The following STX8 variants were observed in gnomAD, a reference collection of about 807,000 sequenced individuals.
STX8 encodes syntaxin-8.
In STX8, 23 loss-of-function variants were observed where a neutral mutation model predicts 37.5. That is an observed-to-expected ratio of 0.61 (90% CI 0.44 to 0.87). The LOEUF is 0.87. Ranked by LOEUF, STX8 falls within the 40% of genes least tolerant of loss-of-function variation. The pLI, the probability that STX8 is intolerant of heterozygous loss-of-function variation, is 0.00. For missense variants in STX8, 313 were observed against 284.7 expected, an observed-to-expected ratio of 1.10 and a Z score of -0.71; for synonymous variants, 115 against 99.1, an observed-to-expected ratio of 1.16 and a Z score of -0.95.
chr17:9,381,479 G>T (rs1420543812), intron 6 of STX8, among the ~76,000 whole-genome samples: 1 of 152,162 alleles, frequency 6.6e-6, no homozygotes, highest in Non-Finnish European at 1.5e-5. Context: ...AGGCACAAAG[G>T]AGTTGGGTGC....
At chr17:9,517,449 G>T (rs572209564) in intron 4 of STX8, among the ~76,000 whole-genome samples, 3 of 152,170 alleles carry the variant, frequency 2.0e-5, no homozygotes, top group Non-Finnish European at 4.4e-5. Context: ...TATGTTTTGT[G>T]ATTTCAAAGG....
At chr17:9,536,945 A>G (rs1906083776) in intron 4 of STX8, among the ~76,000 whole-genome samples, 1 of 151,882 alleles carries the variant, frequency 6.6e-6, no homozygotes, top group African/African-American at 2.4e-5. Flanking sequence ...ACGGGGTTTC[A>G]CCATGTTGGC....
intron 6 of STX8, among the ~76,000 whole-genome samples, chr17:9,402,550 ATG>A (rs1912660164): frequency 6.6e-6 from 1 of 152,222 alleles, no homozygotes; most frequent in Non-Finnish European, 1.5e-5. Context: ...TGCAACAAAA[ATG>A]AGGTAGGGGC....
At chr17:9,329,646 A>G (rs1909897503) in intron 7 of STX8, among the ~76,000 whole-genome samples, 1 of 152,244 alleles carries the variant, frequency 6.6e-6, no homozygotes, top group Non-Finnish European at 1.5e-5. Flanking sequence ...GGGAGGATGC[A>G]GAGCCACTTC....
At chr17:9,347,433 T>G (rs1910569953) in intron 7 of STX8, among the ~76,000 whole-genome samples, 1 of 152,200 alleles carries the variant, frequency 6.6e-6, no homozygotes. Flanking sequence ...ATAACAAAAA[T>G]GACCATTTTA....
intron 4 of STX8, among the ~76,000 whole-genome samples, chr17:9,517,788 T>TAAAAAAAA (rs11318149): frequency 3.0e-5 from 3 of 98,734 alleles, no homozygotes; most frequent in East Asian, 3.2e-4. Context: ...ACCCCTATTG[T>TAAAAAAAA]AAAAAAAAAA....
intron 4 of STX8, among the ~76,000 whole-genome samples, chr17:9,506,422 C>CCG (rs1904838781): frequency 9.1e-6 from 1 of 109,408 alleles, no homozygotes; most frequent in African/African-American, 4.0e-5. Context: ...CCCCCCCCCA[C>CCG]CCACCTTTCT....
At chr17:9,284,840 A>G (rs997133443) in intron 7 of STX8, among the ~76,000 whole-genome samples, 1 of 152,208 alleles carries the variant, frequency 6.6e-6, no homozygotes, top group African/African-American at 2.4e-5. Context: ...TTCTGACTTG[A>G]CTTTCTAGGG....
chr17:9,400,390 G>A (rs1213913682), intron 6 of STX8, among the ~76,000 whole-genome samples: 4 of 144,594 alleles, frequency 2.8e-5, no homozygotes, highest in African/African-American at 7.7e-5. Flanking sequence ...GTGAGCCACC[G>A]CACCAGGCTT....
chr17:9,355,788 G>A lies in STX8; in HGVS notation c.643+22764C>T, dbSNP rs562795112. On this transcript the variant is annotated intron_variant, in intron 7 of 7. Transcript: ENST00000306357. ...CTCCCAAAGTGCTGGGATTACAGGCGTGAGCCACTGCACCCGGCCACCTAG... is the reference window on the plus strand; with the variant it reads ...CTCCCAAAGTGCTGGGATTACAGGCATGAGCCACTGCACCCGGCCACCTAG... Among the ~76,000 whole-genome samples, 21 of 152,122 alleles carry A rather than the reference G, an allele frequency of 1.4e-4. No homozygotes were observed. The South Asian group carries it at 3.7e-3, about 27-fold the overall frequency.
chr17:9,518,240 C>T (rs73973801), intron 4 of STX8, among the ~76,000 whole-genome samples: 5,361 of 152,170 alleles, frequency 0.035, 296 homozygotes, highest in African/African-American at 0.12. Flanking sequence ...TACCCCTGCA[C>T]GACCAAAATC....
intron 2 of STX8, among the ~76,000 whole-genome samples, chr17:9,564,852 T>C (rs1907391610): frequency 6.6e-6 from 1 of 152,214 alleles, no homozygotes; most frequent in Non-Finnish European, 1.5e-5. Context: ...TAGAAAAAAG[T>C]ATTTTAAAAT....
At chr17:9,432,384 A>T (rs1914014666) in intron 6 of STX8, among the ~76,000 whole-genome samples, 1 of 152,184 alleles carries the variant, frequency 6.6e-6, no homozygotes, top group Non-Finnish European at 1.5e-5. Flanking sequence ...TCCTCAGAAA[A>T]GTCTGGCCTG....
chr17:9,276,417 C>T (rs1229143292), intron 7 of STX8, among the ~76,000 whole-genome samples: 1 of 152,046 alleles, frequency 6.6e-6, no homozygotes, highest in African/African-American at 2.4e-5. Context: ...ATATATATCC[C>T]AGGCTACAGA....
chr17:9,488,721 C>A (rs1172017027), intron 6 of STX8, among the ~76,000 whole-genome samples: 4 of 152,010 alleles, frequency 2.6e-5, no homozygotes, highest in African/African-American at 9.7e-5. Flanking sequence ...GAAGAGCCAC[C>A]CTGCCCATGC....
intron 7 of STX8, among the ~76,000 whole-genome samples, chr17:9,304,726 G>C (rs12935904): frequency 1.3e-5 from 2 of 151,542 alleles, no homozygotes; most frequent in Non-Finnish European, 2.9e-5. Flanking sequence ...ATCTTTCCAC[G>C]AGACTGTGAG....
intron 7 of STX8, among the ~76,000 whole-genome samples, chr17:9,308,884 G>A (rs1056444497): frequency 3.3e-5 from 5 of 151,960 alleles, no homozygotes; most frequent in African/African-American, 7.3e-5. Flanking sequence ...TTGGGGTATC[G>A]TTTGCAAAGC....
intron 6 of STX8, among the ~76,000 whole-genome samples, chr17:9,482,732 G>A (rs1296521123): frequency 6.6e-6 from 1 of 152,070 alleles, no homozygotes; most frequent in Non-Finnish European, 1.5e-5. Context: ...TGACCAACAT[G>A]GAGAAACCCC....
chr17:9,271,621 G>C (rs144876167), intron 7 of STX8, among the ~76,000 whole-genome samples: 1 of 152,004 alleles, frequency 6.6e-6, no homozygotes, highest in Admixed American at 6.6e-5. Flanking sequence ...GTGGTAGCAC[G>C]CACCTGTAGT....
Sources: gnomAD v4.1 joint callset for allele counts (sites outside exome capture counted in the v4.1 genomes callset) on GRCh38, gnomAD v4.1.1 for gene constraint, MANE v1.5 for transcripts, NCBI Gene and HGNC (gene_info 2026-07-23, HGNC 2026-07-21) for gene names.